Variants in TCF4 observed in about 807,000 individuals in gnomAD.
TCF4 encodes SL3-3 enhancer factor 2.
Under a neutral mutation model 82.1 loss-of-function variants are expected in TCF4, and 3 were observed. The ratio of observed to expected loss-of-function variants is 0.04; its 90% CI spans 0.02 to 0.09. TCF4 has a LOEUF of 0.09. TCF4 is among the 10% of genes least tolerant of loss of function. The pLI is 1.00. For synonymous variants in TCF4, 276 were observed against 309.6 expected (o/e 0.89, Z 1.14); for missense variants, 518 against 852.7 (o/e 0.61, Z 4.89).
At chr18:55,230,146 T>C (rs1421605934) in intron 17 of TCF4, 2 of 34,602 alleles carry the variant, frequency 5.8e-5, no homozygotes, top group South Asian at 1.0e-3. Flanking sequence ...CTCTGTCTCT[T>C]ACAAAAAAAA....
intron 3 of TCF4, among the ~76,000 whole-genome samples, chr18:55,573,596 G>A (rs1049678710): frequency 7.2e-5 from 11 of 152,120 alleles, no homozygotes; most frequent in East Asian, 1.9e-4. Context: ...CAGCCACAGC[G>A]GCTGGAATCA....
At chr18:55,231,319 C>T (rs2047855983) in intron 17 of TCF4, 1 of 152,122 alleles carries the variant, frequency 6.6e-6, no homozygotes, top group Admixed American at 6.5e-5. Flanking sequence ...GATTTTCAGG[C>T]TAACGACCAA....
chr18:55,424,747 G>A (rs966382943), intron 5 of TCF4, among the ~76,000 whole-genome samples: 1 of 152,066 alleles, frequency 6.6e-6, no homozygotes, highest in Non-Finnish European at 1.5e-5. Flanking sequence ...TTAAGTCTAG[G>A]TAATTTATAA....
At chr18:55,514,012 T>C (rs938195139) in intron 3 of TCF4, among the ~76,000 whole-genome samples, 1 of 152,190 alleles carries the variant, frequency 6.6e-6, no homozygotes, top group Non-Finnish European at 1.5e-5. Flanking sequence ...TCTATAAAGA[T>C]AAGCAAAATC....
At chr18:55,521,972 C>T (rs2096936948) in intron 3 of TCF4, among the ~76,000 whole-genome samples, 1 of 152,140 alleles carries the variant, frequency 6.6e-6, no homozygotes, top group Admixed American at 6.6e-5. Flanking sequence ...GCTACCATCC[C>T]CACGGCTGGG....
chr18:55,385,144 AGG>A (rs1380422976), intron 6 of TCF4, among the ~76,000 whole-genome samples: 1 of 152,144 alleles, frequency 6.6e-6, no homozygotes, highest in Admixed American at 6.5e-5. Flanking sequence ...AAGGGGTGGC[AGG>A]GGGATAACTG....
chr18:55,516,179 CTTGT>C (rs2096879838), intron 3 of TCF4, among the ~76,000 whole-genome samples: 1 of 151,976 alleles, frequency 6.6e-6, no homozygotes, highest in Non-Finnish European at 1.5e-5. Context: ...GTTTGGAAGT[CTTGT>C]TTGTTTATTT....
At chr18:55,297,878 T>C (rs1225812561) in intron 8 of TCF4, among the ~76,000 whole-genome samples, 1 of 152,036 alleles carries the variant, frequency 6.6e-6, no homozygotes, top group Non-Finnish European at 1.5e-5. Context: ...TTTTAAAAAA[T>C]AAGGTTTAAG....
intron 6 of TCF4, among the ~76,000 whole-genome samples, chr18:55,388,459 T>G (rs2092785510): frequency 6.6e-6 from 1 of 152,244 alleles, no homozygotes; most frequent in South Asian, 2.1e-4. Context: ...ACATTCAAAA[T>G]ATTCTTTTTT....
At position 55,222,811 on chromosome 18, in the gene TCF4, A is replaced by G. The variant is rs1189744852; in HGVS notation, c.*5224T>C. On this transcript the variant is annotated 3_prime_UTR_variant, in exon 20 of 20. Coordinates refer to ENST00000354452, the MANE Select transcript of TCF4 (RefSeq NM_001083962.2). ...ATAACACTGAATAATTTTAATCTGTACATTTTTTTCCTTCCATGATAGTTG... is the reference window on the plus strand; with the variant it reads ...ATAACACTGAATAATTTTAATCTGTGCATTTTTTTCCTTCCATGATAGTTG... The G allele has an allele frequency of 6.6e-6, 1 of 152,662 alleles. No individual in the cohort carries two copies. The highest frequency in any genetic ancestry group is 2.4e-5 in the African/African-American group (1 of 41,460). The allele number at this position is 152,662 out of a possible 1,614,324, so 9.5% of individuals were successfully genotyped here.
intron 3 of TCF4, among the ~76,000 whole-genome samples, chr18:55,502,747 G>A (rs1393306159): frequency 6.6e-6 from 1 of 152,040 alleles, no homozygotes; most frequent in Admixed American, 6.6e-5. Context: ...CACAAGTTAA[G>A]GAAAGGAACT....
Position 55,227,774 on chromosome 18 carries a change from T to C in TCF4, c.*261A>G, listed in dbSNP as rs1399698574. Reference sequence around the variant, plus strand: ...TCTGGGCTGTGTCTCAGCCTGTACATACTGCTTTGCACATTCTGAATGATA... The same window carrying C: ...TCTGGGCTGTGTCTCAGCCTGTACACACTGCTTTGCACATTCTGAATGATA... On this transcript the variant is annotated 3_prime_UTR_variant, in exon 20 of 20. Transcript: ENST00000354452. The C allele has an allele frequency of 4.8e-6, 1 of 206,294 alleles. No homozygotes were observed. Among genetic ancestry groups the C allele is most frequent in the African/African-American group, 2.4e-5 (1 of 41,978 alleles). The allele number at this position is 206,294 out of a possible 1,614,324, so 12.8% of individuals were successfully genotyped here.
intron 3 of TCF4, among the ~76,000 whole-genome samples, chr18:55,530,560 A>AGG (rs1207011245): frequency 2.0e-4 from 8 of 40,030 alleles, no homozygotes; most frequent in African/African-American, 7.7e-4. Context: ...TGGCCCTGAA[A>AGG]AGGGGGGGGG....
chr18:55,423,091 A>G (rs953221778), intron 5 of TCF4, among the ~76,000 whole-genome samples: 1 of 151,878 alleles, frequency 6.6e-6, no homozygotes, highest in Non-Finnish European at 1.5e-5. Context: ...GAAAAGGGCT[A>G]GGTTAAAGCA....
chr18:55,407,513 G>A (rs955855400), intron 5 of TCF4, among the ~76,000 whole-genome samples: 19 of 151,964 alleles, frequency 1.3e-4, no homozygotes, highest in African/African-American at 4.1e-4. Flanking sequence ...TGTCCAAATC[G>A]AACCCGTCCG....
At chr18:55,496,259 C>T (rs2096634534) in intron 3 of TCF4, 1 of 151,982 alleles carries the variant, frequency 6.6e-6, no homozygotes, top group Non-Finnish European at 1.5e-5. Context: ...CAAATTGTGC[C>T]AAAGTACAGC....
At chr18:55,336,852 G>A (rs77354126) in intron 8 of TCF4, among the ~76,000 whole-genome samples, 4,072 of 152,112 alleles carry the variant, frequency 0.027, 88 homozygotes, top group Middle Eastern at 0.051. Flanking sequence ...AACCAGGCTG[G>A]AGATTTTGAC....
At chr18:55,607,064 G>A (rs2097702818) in intron 2 of TCF4, among the ~76,000 whole-genome samples, 1 of 152,152 alleles carries the variant, frequency 6.6e-6, no homozygotes, top group Non-Finnish European at 1.5e-5. Flanking sequence ...GGCACAATGG[G>A]TAGAGGTGAG....
chr18:55,464,954 C>T (rs529215017), intron 3 of TCF4, among the ~76,000 whole-genome samples: 2 of 152,134 alleles, frequency 1.3e-5, no homozygotes, highest in African/African-American at 2.4e-5. Flanking sequence ...ATGGCAAATA[C>T]GCAGGATGGA....
Sources: allele counts gnomAD v4.1 joint callset (sites outside exome capture counted in the v4.1 genomes callset), GRCh38; gene constraint gnomAD v4.1.1; transcripts MANE v1.5; gene names NCBI Gene and HGNC (gene_info 2026-07-23, HGNC 2026-07-21).